Variants in ZNF37A observed in about 807,000 individuals in gnomAD.
The protein encoded by ZNF37A is zinc finger protein 37A, also known as zinc finger protein 37a (KOX 21).
Under a neutral mutation model 12.3 loss-of-function variants are expected in ZNF37A, and 10 were observed. That is an observed-to-expected ratio of 0.82 (90% CI 0.50 to 1.38). The LOEUF (loss-of-function observed/expected upper bound fraction) is 1.38, where lower values mean the gene tolerates loss of function less well. Ranked by LOEUF, ZNF37A falls within the 40% of genes most tolerant of loss-of-function variation. The probability of loss-of-function intolerance (pLI) is 0.00; values close to 1 mark genes in which losing one functional copy is unlikely to be tolerated. For missense variants in ZNF37A, 580 were observed against 651.2 expected, an observed-to-expected ratio of 0.89 and a Z score of 1.19; for synonymous variants, 207 against 223.0, an observed-to-expected ratio of 0.93 and a Z score of 0.64.
At position 38,117,903 on chromosome 10, in the gene ZNF37A, T is replaced by G. The variant is rs755547037; in HGVS notation, c.752T>G (p.Phe251Cys). 32 of 1,613,808 alleles carry G rather than the reference T, an allele frequency of 2.0e-5. No homozygotes were observed. The highest frequency in any genetic ancestry group is 2.3e-5 in the Non-Finnish European group (27 of 1,179,998). Residue 251 changes from phenylalanine (F) to cysteine (C), a missense_variant, in exon 8 of 8, where the codon TTT becomes TGT. Phe to Cys is a radical substitution (Grantham distance 205). Coordinates refer to ENST00000685332, the MANE Select transcript of ZNF37A (RefSeq NM_001324250.3). The stretch of plus-strand genomic sequence containing the variant: ...ATTGAATATAATGAGTGTGGAACAT[T>G]TTTCAGTGAAAAATTAGTCCTTCAT... ...NIIEYNECGTFFSEKLVLHLQ... is the reference protein window; with the variant it reads ...NIIEYNECGTCFSEKLVLHLQ...
At chr10:38,105,435 T>C (rs749366713) in intron 5 of ZNF37A, among the ~76,000 whole-genome samples, 10 of 152,190 alleles carry the variant, frequency 6.6e-5, no homozygotes, top group Non-Finnish European at 1.5e-4. Flanking sequence ...TATTAAAACA[T>C]TTTAGAAGTT....
chr10:38,097,510 G>A (rs1392577269), intron 5 of ZNF37A, among the ~76,000 whole-genome samples: 1 of 148,898 alleles, frequency 6.7e-6, no homozygotes, highest in Non-Finnish European at 1.5e-5. Flanking sequence ...CCCAGGAGGC[G>A]GAGGGTGCAG....
In ZNF37A at chr10:38,115,114, T is replaced by TGTGTGTAC. The variant is rs1554780624; in HGVS notation, c.143-79_143-78insGTGTACGT. On this transcript the variant is annotated intron_variant, in intron 6 of 7. Coordinates refer to ENST00000685332, the MANE Select transcript of ZNF37A (RefSeq NM_001324250.3). ...GTGTGTGTGTGTGTGTGTGTGTGTG[T>TGTGTGTAC]GTACTGTTTGGGGTATACTGTCTTC... The TGTGTGTAC allele has an allele frequency of 9.1e-6, 10 of 1,094,964 alleles. No homozygotes were observed. The East Asian group carries it at 1.1e-4, about 11-fold the overall frequency. The allele number at this position is 1,094,964 out of a possible 1,614,324, so 67.8% of individuals were successfully genotyped here.
intron 5 of ZNF37A, among the ~76,000 whole-genome samples, chr10:38,097,111 A>C (rs2067210116): frequency 6.6e-6 from 1 of 152,240 alleles, no homozygotes. Flanking sequence ...TTGTGATCTC[A>C]CAGAGTTGTG....
intron 5 of ZNF37A, among the ~76,000 whole-genome samples, chr10:38,099,046 GTATT>G (rs2067360452): frequency 6.6e-6 from 1 of 152,240 alleles, no homozygotes; most frequent in South Asian, 2.1e-4. Context: ...TTGGGTGTGT[GTATT>G]TATTTAGCCT....
Position 38,118,415 on chromosome 10 carries a change from G to A in ZNF37A, c.1264G>A (p.Glu422Lys). 6.2e-7 allele frequency: 1 copy of A among 1,613,954 alleles called. No individual in the cohort carries two copies. Among genetic ancestry groups the A allele is most frequent in the Non-Finnish European group, 8.5e-7 (1 of 1,179,990 alleles). Residue 422 changes from glutamate to lysine, a missense_variant, in exon 8 of 8, where the codon GAG becomes AAG. Glu to Lys is a moderately conservative substitution (Grantham distance 56). Transcript: ENST00000685332. ...ECNECGKSFS[E>K]KSTLTKHLRT... ...TAATGAATGTGGGAAGTCATTCTCT[G>A]AGAAGTCAACCCTTACTAAACATCT...
At chr10:38,114,705 C>G (rs774251701) in intron 5 of ZNF37A, 50 bp from the exon 6 acceptor site, 1 of 1,611,830 alleles carries the variant, frequency 6.2e-7, no homozygotes, top group African/African-American at 1.3e-5. Flanking sequence ...TCTTTTTTCA[C>G]GTCAACTGAT....
At chr10:38,111,444 C>CA (rs1464079358) in intron 5 of ZNF37A, among the ~76,000 whole-genome samples, 1 of 151,682 alleles carries the variant, frequency 6.6e-6, no homozygotes. Flanking sequence ...AACAAACCTA[C>CA]ATGTTCTGCA....
At chr10:38,097,552 C>G (rs2067240867) in intron 5 of ZNF37A, among the ~76,000 whole-genome samples, 3 of 133,000 alleles carry the variant, frequency 2.3e-5, no homozygotes, top group Middle Eastern at 5.1e-3. Flanking sequence ...CCACTGCACT[C>G]CAGCCTGGGT....
chr10:38,099,414 A>G (rs1001858040), intron 5 of ZNF37A, among the ~76,000 whole-genome samples: 1 of 152,208 alleles, frequency 6.6e-6, no homozygotes, highest in Non-Finnish European at 1.5e-5. Context: ...TTCACCTAGC[A>G]TAATGTCCTC....
intron 5 of ZNF37A, among the ~76,000 whole-genome samples, chr10:38,108,154 C>T (rs927843489): frequency 3.3e-5 from 5 of 152,152 alleles, no homozygotes; most frequent in Admixed American, 6.6e-5. Flanking sequence ...AACAGTCTCT[C>T]GGGCCACAGT....
chr10:38,143,483 C>T (rs1307878959), intron 7 of ZNF37A: 1 of 152,162 alleles, frequency 6.6e-6, no homozygotes, highest in Non-Finnish European at 1.5e-5. Context: ...GGTCCCCAGT[C>T]TCATCTCTGG....
chr10:38,135,474 A>C (rs2070095954), intron 7 of ZNF37A, among the ~76,000 whole-genome samples: 1 of 152,232 alleles, frequency 6.6e-6, no homozygotes, highest in Non-Finnish European at 1.5e-5. Flanking sequence ...TTGTGTGCTT[A>C]ATAATATAGA....
rs71007695 is a variant in ZNF37A, at chr10:38,097,583, CAAAAAAAAAAAAAAAA to C, written c.15+967_15+982del. Among the ~76,000 whole-genome samples the C allele has an allele frequency of 2.2e-3, 137 of 61,950 alleles. 1 individual carries two copies. Among genetic ancestry groups the C allele is most frequent in the Non-Finnish European group, 4.0e-3 (114 of 28,498 alleles). 40.6% of individuals were successfully genotyped at this position (61,950 alleles called of 152,430 possible). ...TGGGTGACAGAGTGAGACTCTGTCTCAAAAAAAAAAAAAAAAAAAAAAAAAAAAAAATCACATGAAT... is the reference window on the plus strand; with the variant it reads ...TGGGTGACAGAGTGAGACTCTGTCTCAAAAAAAAAAAAAAATCACATGAAT... On this transcript the variant is annotated intron_variant, in intron 5 of 7. Transcript: ENST00000685332.
intron 7 of ZNF37A, chr10:38,143,520 C>T (rs1462926830): frequency 6.6e-6 from 1 of 152,112 alleles, no homozygotes; most frequent in Non-Finnish European, 1.5e-5. Context: ...CCCAATCCAC[C>T]CTAATTACCT....
intron 5 of ZNF37A, among the ~76,000 whole-genome samples, chr10:38,112,750 CTTTTCTTTTCTTTTCTT>C (rs1564931959): frequency 2.1e-5 from 1 of 47,354 alleles, no homozygotes; most frequent in Non-Finnish European, 4.4e-5. Context: ...CTTTTCTTTT[CTTTTCTTTTCTTTTCTT>C]TTCTTTTCTT....
In ZNF37A at chr10:38,115,306, C is replaced by T. The variant is rs2069183035; in HGVS notation, c.238+16C>T. The T allele has an allele frequency of 6.2e-7, 1 of 1,610,186 alleles. No individual in the cohort carries two copies. The highest frequency in any genetic ancestry group is 8.5e-7 in the Non-Finnish European group (1 of 1,178,250). On this transcript the variant is annotated intron_variant, in intron 7 of 7. Coordinates refer to ENST00000685332, the MANE Select transcript of ZNF37A (RefSeq NM_001324250.3). Reference sequence around the variant, plus strand: ...AGTCATCTGGGTGAGTTAGTATGTGCCAGATGGAATTTAAAGGAAGGTAGA... The same window carrying T: ...AGTCATCTGGGTGAGTTAGTATGTGTCAGATGGAATTTAAAGGAAGGTAGA...
At chr10:38,105,011 T>TTTC (rs2067937313) in intron 5 of ZNF37A, among the ~76,000 whole-genome samples, 1 of 74,098 alleles carries the variant, frequency 1.3e-5, no homozygotes, top group Admixed American at 1.5e-4. Context: ...TTTTTTCTTT[T>TTTC]TTTTTTTTTT....
At chr10:38,112,733 T>TGTTGGTGTTGG (rs1564931691) in intron 5 of ZNF37A, among the ~76,000 whole-genome samples, 68 of 65,410 alleles carry the variant, frequency 1.0e-3, no homozygotes, top group African/African-American at 3.3e-3. Context: ...TACATCCATT[T>TGTTGGTGTTGG]TCTTTTCTTT....
Sources: allele counts gnomAD v4.1 joint callset (sites outside exome capture counted in the v4.1 genomes callset), GRCh38; gene constraint gnomAD v4.1.1; transcripts MANE v1.5; gene names NCBI Gene and HGNC (gene_info 2026-07-23, HGNC 2026-07-21).